MEGF11: variants seen among roughly 807,000 people sequenced by gnomAD.
MEGF11 encodes the protein multiple EGF like domains 11, also known as multiple epidermal growth factor-like domains protein 11.
A neutral mutation model predicts 146.6 loss-of-function variants in MEGF11; 126 were observed. That is an observed-to-expected ratio of 0.86 (90% CI 0.74 to 1.00). The LOEUF is 1.00. MEGF11 is among the 50% of genes least tolerant of loss of function. The probability of loss-of-function intolerance (pLI) is 0.00; values close to 1 mark genes in which losing one functional copy is unlikely to be tolerated. For synonymous variants in MEGF11, 532 were observed against 583.4 expected, an observed-to-expected ratio of 0.91 and a Z score of 1.27; for missense variants, 1,509 against 1,521.2, an observed-to-expected ratio of 0.99 and a Z score of 0.13.
chr15:65,934,226 C>T (rs1288801253), intron 10 of MEGF11, among the ~76,000 whole-genome samples: 6 of 152,130 alleles, frequency 3.9e-5, no homozygotes, highest in South Asian at 2.1e-4. Context: ...TCCTTAGAAT[C>T]TCCAAAGTGA....
chr15:65,948,784 AC>A (rs929246584), intron 10 of MEGF11, among the ~76,000 whole-genome samples: 1 of 152,164 alleles, frequency 6.6e-6, no homozygotes, highest in African/African-American at 2.4e-5. Flanking sequence ...CTCCAACAAG[AC>A]CACATAGGAG....
intron 1 of MEGF11, among the ~76,000 whole-genome samples, chr15:66,219,775 C>CA (rs2091685159): frequency 6.6e-6 from 1 of 152,068 alleles, no homozygotes. Flanking sequence ...CAGAGATAAT[C>CA]TTATGTTCAC....
chr15:65,986,793 CTTTTTT>C (rs34991788), intron 5 of MEGF11, among the ~76,000 whole-genome samples: 1 of 121,332 alleles, frequency 8.2e-6, no homozygotes, highest in Non-Finnish European at 1.7e-5. Flanking sequence ...CTGATTTTTC[CTTTTTT>C]TTTTTTTTTT....
intron 10 of MEGF11, among the ~76,000 whole-genome samples, chr15:65,949,292 G>C (rs561697924): frequency 6.6e-6 from 1 of 152,242 alleles, no homozygotes; most frequent in South Asian, 2.1e-4. Context: ...CTGCTCCACT[G>C]ATCTGAATTT....
At chr15:65,991,639 C>T (rs2082046984) in intron 5 of MEGF11, among the ~76,000 whole-genome samples, 1 of 152,186 alleles carries the variant, frequency 6.6e-6, no homozygotes, top group Admixed American at 6.5e-5. Context: ...CAGTGGGTAA[C>T]ATCACCTGAT....
intron 1 of MEGF11, among the ~76,000 whole-genome samples, chr15:66,220,624 A>T (rs2091712413): frequency 6.8e-6 from 1 of 146,378 alleles, no homozygotes; most frequent in Admixed American, 7.0e-5. Context: ...TGCAGCCTTG[A>T]CCTCCCAGGA....
At chr15:65,976,465 C>G (rs1258676012) in intron 7 of MEGF11, among the ~76,000 whole-genome samples, 1 of 152,198 alleles carries the variant, frequency 6.6e-6, no homozygotes, top group Non-Finnish European at 1.5e-5. Context: ...TCCAACATGA[C>G]TCATGTCCTT....
chr15:66,053,848 C>T (rs1477938320), intron 5 of MEGF11, among the ~76,000 whole-genome samples: 1 of 150,820 alleles, frequency 6.6e-6, no homozygotes, highest in Admixed American at 6.6e-5. Flanking sequence ...CCTACCTTAG[C>T]CTCCCAAATA....
chr15:66,153,952 T>G (rs2089657868), intron 1 of MEGF11, among the ~76,000 whole-genome samples: 1 of 152,220 alleles, frequency 6.6e-6, no homozygotes, highest in Non-Finnish European at 1.5e-5. Flanking sequence ...TGGCTGGCTC[T>G]GGGTTCCAAT....
intron 1 of MEGF11, among the ~76,000 whole-genome samples, chr15:66,174,552 T>C (rs1283735452): frequency 6.6e-6 from 1 of 151,994 alleles, no homozygotes; most frequent in Non-Finnish European, 1.5e-5. Context: ...CTGTAAGTGA[T>C]ATAACTCTGC....
chr15:66,037,873 G>A (rs2083787201), intron 5 of MEGF11, among the ~76,000 whole-genome samples: 1 of 152,226 alleles, frequency 6.6e-6, no homozygotes, highest in South Asian at 2.1e-4. Context: ...CTCTGGAAGA[G>A]GAGGTGATCG....
intron 1 of MEGF11, among the ~76,000 whole-genome samples, chr15:66,154,834 C>A (rs972416083): frequency 6.6e-6 from 1 of 152,166 alleles, no homozygotes; most frequent in South Asian, 2.1e-4. Context: ...AGGGAAGGGC[C>A]CAGGTGGCAG....
intron 1 of MEGF11, among the ~76,000 whole-genome samples, chr15:66,215,956 G>C (rs913376308): frequency 6.6e-6 from 1 of 152,148 alleles, no homozygotes; most frequent in African/African-American, 2.4e-5. Context: ...TCTCCAACCC[G>C]TCTGAGATGA....
intron 1 of MEGF11, among the ~76,000 whole-genome samples, chr15:66,211,057 G>T (rs1440005721): frequency 6.6e-6 from 1 of 152,200 alleles, no homozygotes; most frequent in African/African-American, 2.4e-5. Flanking sequence ...GAGGTAAGAA[G>T]AGAGGGGCTT....
Position 66,094,387 on chromosome 15 carries a change from A to G in MEGF11, c.394+15T>C. On this transcript the variant is annotated intron_variant, in intron 5 of 25. Transcript: ENST00000395614. ...AGAGCCAGGGTGCCTCCTGACCCCC[A>G]AACCCCAGACTCACCGCTGGAGCAG... is the stretch of plus-strand genomic sequence containing the variant. The G allele has an allele frequency of 6.4e-7, 1 of 1,551,454 alleles. No individual in the cohort carries two copies. The highest frequency in any genetic ancestry group is 8.7e-7 in the Non-Finnish European group (1 of 1,146,800).
intron 5 of MEGF11, among the ~76,000 whole-genome samples, chr15:66,085,216 C>T (rs1006636928): frequency 1.3e-5 from 2 of 152,172 alleles, no homozygotes; most frequent in Non-Finnish European, 2.9e-5. Flanking sequence ...TATGCCCACC[C>T]CCAGCTGATG....
chr15:65,935,463 A>G (rs1318619337), intron 10 of MEGF11, among the ~76,000 whole-genome samples: 19 of 150,760 alleles, frequency 1.3e-4, no homozygotes, highest in Admixed American at 1.3e-3. Flanking sequence ...CTATCTCCAG[A>G]TAGATAGTGT....
chr15:66,157,543 C>T (rs889365470), intron 1 of MEGF11, among the ~76,000 whole-genome samples: 4 of 152,164 alleles, frequency 2.6e-5, no homozygotes, highest in African/African-American at 4.8e-5. Flanking sequence ...TCTCTTTAGC[C>T]CCACAGCAGC....
At chr15:65,903,851 T>A (rs2078554823) in intron 24 of MEGF11, among the ~76,000 whole-genome samples, 1 of 152,246 alleles carries the variant, frequency 6.6e-6, no homozygotes, top group South Asian at 2.1e-4. Context: ...CATATTTTCC[T>A]CTTTTTCAGT....
Sources: gnomAD v4.1 joint callset for allele counts (sites outside exome capture counted in the v4.1 genomes callset) on GRCh38, gnomAD v4.1.1 for gene constraint, MANE v1.5 for transcripts, NCBI Gene and HGNC (gene_info 2026-07-23, HGNC 2026-07-21) for gene names.